The following CFAP65 variants were observed in gnomAD, a reference collection of about 807,000 sequenced individuals.
The protein encoded by CFAP65 is cilia- and flagella-associated protein 65.
Under a neutral mutation model 208.0 loss-of-function variants are expected in CFAP65, and 155 were observed. That is an observed-to-expected ratio of 0.75 (90% CI 0.65 to 0.85). CFAP65 has a LOEUF of 0.85. CFAP65 is among the 40% of genes least tolerant of loss of function. The pLI is 0.00. For missense variants in CFAP65, 2,294 were observed against 2,451.3 expected (o/e 0.94, Z 1.36); for synonymous variants, 970 against 986.3 (o/e 0.98, Z 0.31).
In CFAP65 at chr2:219,023,196, G is replaced by T; in HGVS notation, c.2820+11C>A. On this transcript the variant is annotated intron_variant, in intron 16 of 34. Coordinates refer to ENST00000341552, the MANE Select transcript of CFAP65 (RefSeq NM_194302.4). Reference sequence around the variant, plus strand: ...AGGTTGCCGTCACTCGGCAGGAGGGGAGCCACTCACAAGTCTCTCGTTGGG... The same window carrying T: ...AGGTTGCCGTCACTCGGCAGGAGGGTAGCCACTCACAAGTCTCTCGTTGGG... 1 of 1,607,564 alleles carries T rather than the reference G, an allele frequency of 6.2e-7. No homozygotes were observed. The highest frequency in any genetic ancestry group is 1.1e-5 in the South Asian group (1 of 90,340).
At position 219,031,641 on chromosome 2, in the gene CFAP65, C is replaced by T. The variant is rs980102865; in HGVS notation, c.663G>A (p.Gln221=). Residue 221 remains glutamine (Q), a synonymous_variant, in exon 7 of 35, where the codon CAG becomes CAA. Transcript: ENST00000341552. The surrounding 1 kb of genome is among the most constrained non-coding windows in gnomAD (Gnocchi z 5.2). ...RPLEAKEYMD[Q]LWFEKAEGMF... ...TCCCCTCCGCTTTCTCAAACCACAG[C>T]TGGTCCATGTACTCCTTCTGCAGTG... The T allele has an allele frequency of 1.2e-6, 2 of 1,611,162 alleles. No individual in the cohort carries two copies. The highest frequency in any genetic ancestry group is 1.3e-5 in the African/African-American group (1 of 74,912).
At chr2:219,019,806 G>T in intron 19 of CFAP65, 87 bp from the exon 20 acceptor site, 1 of 1,141,334 alleles carries the variant, frequency 8.8e-7, no homozygotes, top group South Asian at 1.4e-5. Context: ...CAGGAGTCCT[G>T]GGCAGTTGGC....
rs74908564 is a variant in CFAP65, at chr2:219,004,836, G to A, written c.5052-381C>T. Among the ~76,000 whole-genome samples the A allele has an allele frequency of 5.5e-5, 8 of 145,570 alleles. No individual in the cohort carries two copies. Among genetic ancestry groups the A allele is most frequent in the East Asian group, 2.1e-4 (1 of 4,682 alleles). Reference sequence around the variant, plus strand: ...TGTCCTGGGGTGGGGGGGCCGGGGGGGGGGACCGTGGTGGGATCTTGCAAA... The same window carrying A: ...TGTCCTGGGGTGGGGGGGCCGGGGGAGGGGACCGTGGTGGGATCTTGCAAA... On this transcript the variant is annotated intron_variant, in intron 32 of 34. Transcript: ENST00000341552. This position sits in a 1 kb window ranked among gnomAD's most constrained non-coding sequence, Gnocchi z 4.7.
chr2:219,019,392 C>T, intron 20 of CFAP65, 114 bp downstream of exon 20: 1 of 1,132,062 alleles, frequency 8.8e-7, no homozygotes. Flanking sequence ...GAGCTCTTCC[C>T]TCAAAGAGAT....
chr2:219,009,451 TCA>T lies in CFAP65; in HGVS notation c.4460_4461del (p.Val1487GlufsTer10), dbSNP rs1946274329. On this transcript the variant is annotated frameshift_variant, in exon 28 of 35. Transcript: ENST00000341552. LOFTEE classifies it high-confidence loss of function. ...GGAGCCACCACCCCTATCATGGGAC[TCA>T]CAGACACCTGTTGATTTGGGGAAGG... Reference protein sequence around the residue: ...PSPLDFGEVSVSPMIGVVAPE... With the variant: ...PSPLDFGEVSXSPMIGVVAPE... 1 of 1,610,636 alleles carries T rather than the reference TCA, an allele frequency of 6.2e-7. No homozygotes were observed. The highest frequency in any genetic ancestry group is 8.5e-7 in the Non-Finnish European group (1 of 1,178,130).
rs776420312 is a variant in CFAP65 at position 219,032,539 on chromosome 2, G to A, written c.576C>T (p.Ile192=). 7 of 1,606,778 alleles carry A rather than the reference G, an allele frequency of 4.4e-6. No individual in the cohort carries two copies. Among genetic ancestry groups the A allele is most frequent in the Non-Finnish European group, 5.1e-6 (6 of 1,176,698 alleles). The stretch of plus-strand genomic sequence containing the variant: ...CTGGGCTCAGGAAGATGGGCTGAGG[G>A]ATGACCGTGAAGAAGAACTTGGTCT... The part of the protein sequence containing the change: ...PPKTKFFFTV[I]PQPIFLSPGI... Residue 192 remains isoleucine, a synonymous_variant, in exon 6 of 35, where the codon ATC becomes ATT. Coordinates refer to ENST00000341552, the MANE Select transcript of CFAP65 (RefSeq NM_194302.4). This position sits in a 1 kb window ranked among gnomAD's most constrained non-coding sequence, Gnocchi z 5.5.
At position 219,003,339 on chromosome 2, in the gene CFAP65, CGT is replaced by C; in HGVS notation, c.5556-69_5556-68del. ...CCGCGCGCCTCCTCGCTCGCCTGTC[CGT>C]GCGGTACATTGTGCCGCGAGCTCTA... On this transcript the variant is annotated intron_variant, in intron 33 of 34. Coordinates refer to ENST00000341552, the MANE Select transcript of CFAP65 (RefSeq NM_194302.4). This position sits in a 1 kb window ranked among gnomAD's most constrained non-coding sequence, Gnocchi z 4.4. 2 of 1,463,108 alleles carry C rather than the reference CGT, an allele frequency of 1.4e-6. No individual in the cohort carries two copies. The highest frequency in any genetic ancestry group is 1.8e-6 in the Non-Finnish European group (2 of 1,107,016). 90.6% of individuals were successfully genotyped at this position (1,463,108 alleles called of 1,614,324 possible).
intron 25 of CFAP65, 24 bp downstream of exon 25, chr2:219,010,781 C>G: frequency 6.3e-7 from 1 of 1,592,294 alleles, no homozygotes; most frequent in Non-Finnish European, 8.6e-7. Flanking sequence ...CCCCACCTCC[C>G]ACGTCATCCA....
chr2:219,033,228 T>C (rs970922226), intron 5 of CFAP65, among the ~76,000 whole-genome samples: 16 of 152,090 alleles, frequency 1.1e-4, no homozygotes, highest in Non-Finnish European at 2.4e-4. Context: ...TCCCAGCACT[T>C]TGAGAGGCTA....
chr2:219,010,092 G>T lies in CFAP65; in HGVS notation c.4309-7C>A, dbSNP rs1946364646. 2 of 1,584,390 alleles carry T rather than the reference G, an allele frequency of 1.3e-6. No homozygotes were observed. Among genetic ancestry groups the T allele is most frequent in the African/African-American group, 1.4e-5 (1 of 73,798 alleles). On this transcript the variant is annotated splice_polypyrimidine_tract_variant and splice_region_variant and intron_variant, in intron 26 of 34. Transcript: ENST00000341552. ...ACTGGGACAGGAAGACATTCTGTGGGTGGAGAGCGGAGGTAAAGAAATAAG... is the reference window on the plus strand; with the variant it reads ...ACTGGGACAGGAAGACATTCTGTGGTTGGAGAGCGGAGGTAAAGAAATAAG...
chr2:219,030,486 TCG>T (rs1203299440), intron 9 of CFAP65, among the ~76,000 whole-genome samples: 1 of 152,228 alleles, frequency 6.6e-6, no homozygotes, highest in Admixed American at 6.5e-5. Flanking sequence ...TTAGGGCTGC[TCG>T]TGGCTCTGGG....
In CFAP65 at chr2:219,021,809, C is replaced by T. The variant is rs1321243416; in HGVS notation, c.3101G>A (p.Ser1034Asn). The change falls in exon 18 of 35, where the codon AGC (serine) becomes AAC (asparagine). Residue 1034 changes from serine (S) to asparagine (N), a missense_variant. Ser to Asn is a conservative substitution (Grantham distance 46). Transcript: ENST00000341552. Reference protein sequence around the residue: ...LYYRLYLEQGSPEAVDNHPLA... With the variant: ...LYYRLYLEQGNPEAVDNHPLA... ...GGGGTGGTTGTCAACGGCCTCAGGG[C>T]TGCCCTGCTCCAGGTAGAGGCGGTA... The T allele has an allele frequency of 6.2e-7, 1 of 1,613,794 alleles. No homozygotes were observed. Among genetic ancestry groups the T allele is most frequent in the East Asian group, 2.2e-5 (1 of 44,880 alleles).
At chr2:219,013,645 C>G in intron 22 of CFAP65, 60 bp from the exon 23 acceptor site, 1 of 1,462,670 alleles carries the variant, frequency 6.8e-7, no homozygotes, top group East Asian at 2.3e-5. Flanking sequence ...AGTAGGAGAG[C>G]AAATGGACAT....
Position 219,021,836 on chromosome 2 carries a change from T to G in CFAP65, c.3074A>C (p.Tyr1025Ser), listed in dbSNP as rs1947284141. ...VLLNDGNCTL[Y>S]YRLYLEQGSP... ...GCCCTGCTCCAGGTAGAGGCGGTAA[T>G]AGAGGGTGCAGTTGCCGTCATTCAG... is the stretch of plus-strand genomic sequence containing the variant. The change falls in exon 18 of 35, where the codon TAT becomes TCT. Residue 1025 changes from tyrosine to serine, a missense_variant. By Grantham distance (144) the Tyr-to-Ser change is moderately radical. Transcript: ENST00000341552. 1 of 1,613,666 alleles carries G rather than the reference T, an allele frequency of 6.2e-7. No individual in the cohort carries two copies.
At position 219,029,604 on chromosome 2, in the gene CFAP65, G is replaced by T. The variant is rs112036093; in HGVS notation, c.1449C>A (p.Ser483=). The T allele has an allele frequency of 1.9e-6, 3 of 1,613,986 alleles. No homozygotes were observed. The highest frequency in any genetic ancestry group is 2.5e-6 in the Non-Finnish European group (3 of 1,179,990). ...GGTTCTCAATCCACAGGGGCTGCTC[G>T]GAGCGCTCCCCAAGGTTGACCCAGC... ...NFSWVNLGER[S]EQPLWIENQS... is the part of the protein sequence containing the mutation. Residue 483 remains serine, a synonymous_variant, in exon 11 of 35, where the codon TCC becomes TCA. Transcript: ENST00000341552.
intron 21 of CFAP65, 45 bp downstream of exon 21, chr2:219,019,006 G>A: frequency 6.2e-7 from 1 of 1,613,138 alleles, no homozygotes; most frequent in Non-Finnish European, 8.5e-7. Flanking sequence ...TCAGCCTCTA[G>A]GCACTTGTCT....
rs888559152 is a variant in CFAP65 at position 219,031,054 on chromosome 2, C to A, written c.1015+52G>T. 1 of 1,536,800 alleles carries A rather than the reference C, an allele frequency of 6.5e-7. No homozygotes were observed. The highest frequency in any genetic ancestry group is 8.8e-7 in the Non-Finnish European group (1 of 1,136,862). On this transcript the variant is annotated intron_variant, in intron 8 of 34. Coordinates refer to ENST00000341552, the MANE Select transcript of CFAP65 (RefSeq NM_194302.4). This position sits in a 1 kb window ranked among gnomAD's most constrained non-coding sequence, Gnocchi z 5.2. ...TGGGGGACACTGAGGCCTGGAGGAC[C>A]CAGAAGGTGCAGGAGGGGCCAGTCT...
rs1947796327 is a variant in CFAP65, at chr2:219,028,360, G to T, written c.1692C>A (p.Asp564Glu). The change falls in exon 12 of 35, where the codon GAC becomes GAA. Residue 564 changes from aspartate to glutamate, a missense_variant. Physicochemically the swap from Asp to Glu is conservative, Grantham distance 45. Transcript: ENST00000341552. The part of the protein sequence containing the change: ...FLDLMGTCHS[D>E]STKPAILKPQ... The stretch of plus-strand genomic sequence containing the variant: ...GCTTCAGGATGGCTGGCTTGGTGCT[G>T]TCCGAGTGGCAGGTCCCCATCAGGT... The T allele has an allele frequency of 6.2e-7, 1 of 1,613,546 alleles. No homozygotes were observed. Among genetic ancestry groups the T allele is most frequent in the Admixed American group, 1.7e-5 (1 of 59,982 alleles).
chr2:219,040,780 T>C (rs1338216520), intron 1 of CFAP65, among the ~76,000 whole-genome samples: 2 of 152,136 alleles, frequency 1.3e-5, no homozygotes, highest in Non-Finnish European at 2.9e-5. Context: ...ACACAGGTCA[T>C]AGGGCTAGGG....
Sources: allele counts gnomAD v4.1 joint callset (sites outside exome capture counted in the v4.1 genomes callset), GRCh38; gene constraint gnomAD v4.1.1; non-coding constraint Gnocchi (gnomAD v3.1); transcripts MANE v1.5; gene names NCBI Gene and HGNC (gene_info 2026-07-23, HGNC 2026-07-21).